Variants in CCSER1 observed in about 807,000 individuals in gnomAD.
The protein encoded by CCSER1 is coiled-coil serine rich protein 1.
CCSER1 carries 41 observed loss-of-function variants against 82.0 expected under a neutral mutation model. The observed-to-expected ratio is 0.50, with a 90% CI of 0.39 to 0.65. The LOEUF is 0.65. CCSER1 is among the 30% of genes least tolerant of loss of function. The probability of loss-of-function intolerance (pLI) is 0.00; values close to 1 mark genes in which losing one functional copy is unlikely to be tolerated. For synonymous variants in CCSER1, 414 were observed against 383.9 expected, an observed-to-expected ratio of 1.08 and a Z score of -0.92; for missense variants, 1,119 against 1,064.2, an observed-to-expected ratio of 1.05 and a Z score of -0.72.
At chr4:90,633,219 G>A (rs1724771986) in intron 6 of CCSER1, among the ~76,000 whole-genome samples, 1 of 151,966 alleles carries the variant, frequency 6.6e-6, no homozygotes, top group Admixed American at 6.6e-5. Context: ...CTGTTTCCAG[G>A]CTACCATTAA....
At chr4:91,441,805 C>G (rs187678643) in intron 10 of CCSER1, among the ~76,000 whole-genome samples, 1 of 151,684 alleles carries the variant, frequency 6.6e-6, no homozygotes, top group African/African-American at 2.4e-5. Flanking sequence ...GCAAAAATCA[C>G]AAGCATTCTT....
At chr4:91,109,436 T>A (rs1484374811) in intron 10 of CCSER1, among the ~76,000 whole-genome samples, 4 of 151,966 alleles carry the variant, frequency 2.6e-5, no homozygotes, top group Non-Finnish European at 4.4e-5. Context: ...AGCCCTAGTA[T>A]ATTTTCTGGA....
At chr4:90,614,945 A>G (rs1267913675) in intron 5 of CCSER1, among the ~76,000 whole-genome samples, 1 of 152,184 alleles carries the variant, frequency 6.6e-6, no homozygotes, top group African/African-American at 2.4e-5. Context: ...TTCCAAGGAC[A>G]GGCTGACTCT....
intron 10 of CCSER1, among the ~76,000 whole-genome samples, chr4:91,178,899 T>C (rs941981648): frequency 3.9e-5 from 6 of 152,222 alleles, no homozygotes; most frequent in Non-Finnish European, 8.8e-5. Context: ...CTTGCATTGA[T>C]GGTTTTTACA....
At chr4:90,368,806 C>G (rs1746795765) in intron 3 of CCSER1, among the ~76,000 whole-genome samples, 2 of 151,626 alleles carry the variant, frequency 1.3e-5, no homozygotes, top group South Asian at 4.2e-4. Flanking sequence ...ATTTAAATGA[C>G]AACCAAAAAG....
At chr4:90,201,817 G>A (rs1463950726) in intron 1 of CCSER1, among the ~76,000 whole-genome samples, 1 of 150,998 alleles carries the variant, frequency 6.6e-6, no homozygotes, top group African/African-American at 2.4e-5. Flanking sequence ...GTAGATGGAG[G>A]GCAGGAGTTT....
At chr4:90,154,675 CTGTT>C (rs1375425049) in intron 1 of CCSER1, among the ~76,000 whole-genome samples, 5 of 148,334 alleles carry the variant, frequency 3.4e-5, no homozygotes, top group African/African-American at 7.5e-5. Flanking sequence ...ATTTGGCTCT[CTGTT>C]TGTCTGTTAT....
chr4:91,055,865 C>T (rs1226753885), intron 9 of CCSER1, among the ~76,000 whole-genome samples: 1 of 143,794 alleles, frequency 7.0e-6, no homozygotes, highest in Non-Finnish European at 1.5e-5. Context: ...GTCCCTTGTG[C>T]TCTGATCACT....
intron 10 of CCSER1, among the ~76,000 whole-genome samples, chr4:91,287,593 G>A (rs1337692808): frequency 1.3e-5 from 2 of 151,948 alleles, no homozygotes; most frequent in Non-Finnish European, 2.9e-5. Flanking sequence ...TCAAACCTGA[G>A]TAAACCAATG....
At chr4:90,777,019 TTAAC>T (rs1239337230) in intron 7 of CCSER1, among the ~76,000 whole-genome samples, 2 of 152,098 alleles carry the variant, frequency 1.3e-5, no homozygotes, top group African/African-American at 2.4e-5. Context: ...GTATGAATGA[TTAAC>T]TAATCAATGA....
intron 7 of CCSER1, among the ~76,000 whole-genome samples, chr4:90,746,840 A>G (rs1458990794): frequency 6.6e-6 from 1 of 152,236 alleles, no homozygotes; most frequent in Non-Finnish European, 1.5e-5. Context: ...CAGATAAGGA[A>G]TTTGAAGCTT....
At chr4:91,414,666 G>T (rs1466325503) in intron 10 of CCSER1, among the ~76,000 whole-genome samples, 4 of 152,110 alleles carry the variant, frequency 2.6e-5, no homozygotes, top group Non-Finnish European at 5.9e-5. Context: ...TGCTACCTAT[G>T]AGAGACCAAC....
intron 9 of CCSER1, among the ~76,000 whole-genome samples, chr4:91,056,535 CTCTG>C (rs1250611897): frequency 6.6e-6 from 1 of 152,140 alleles, no homozygotes; most frequent in African/African-American, 2.4e-5. Context: ...TCTATTCATG[CTCTG>C]TCTGTATGAC....
intron 10 of CCSER1, among the ~76,000 whole-genome samples, chr4:91,386,332 G>T (rs115643805): frequency 0.02 from 2,982 of 152,086 alleles, 77 homozygotes; most frequent in African/African-American, 0.067. Context: ...AATAATTAAG[G>T]ATAGCAAGGA....
At chr4:90,690,627 G>A (rs1472218151) in intron 6 of CCSER1, among the ~76,000 whole-genome samples, 2 of 152,000 alleles carry the variant, frequency 1.3e-5, no homozygotes, top group African/African-American at 2.4e-5. Context: ...CTTCCAAAGT[G>A]TATTTCTCTT....
At chr4:91,358,336 T>TTTTC (rs1347180393) in intron 10 of CCSER1, among the ~76,000 whole-genome samples, 2 of 151,468 alleles carry the variant, frequency 1.3e-5, no homozygotes, top group African/African-American at 4.9e-5. Flanking sequence ...TTCTTGAATT[T>TTTTC]TTTTTTTTTT....
chr4:90,871,806 A>G (rs1439982144), intron 8 of CCSER1, among the ~76,000 whole-genome samples: 1 of 151,656 alleles, frequency 6.6e-6, no homozygotes, highest in Non-Finnish European at 1.5e-5. Context: ...ATCTCTCTTT[A>G]ATTCAAATAA....
intron 1 of CCSER1, among the ~76,000 whole-genome samples, chr4:90,180,448 G>C (rs1236436172): frequency 2.6e-5 from 4 of 151,964 alleles, no homozygotes; most frequent in African/African-American, 9.7e-5. Context: ...AATTAGCCAG[G>C]CCTGGTGGCA....
chr4:90,695,506 G>A (rs1736840890), intron 6 of CCSER1, among the ~76,000 whole-genome samples: 1 of 151,902 alleles, frequency 6.6e-6, no homozygotes, highest in African/African-American at 2.4e-5. Context: ...ATTACTGGAA[G>A]TATCATAGAA....
Sources: gnomAD v4.1 joint callset for allele counts (sites outside exome capture counted in the v4.1 genomes callset) on GRCh38, gnomAD v4.1.1 for gene constraint, MANE v1.5 for transcripts, NCBI Gene and HGNC (gene_info 2026-07-23, HGNC 2026-07-21) for gene names.